The following GLDC variants were observed in gnomAD, a reference collection of about 807,000 sequenced individuals.
The protein encoded by GLDC is glycine dehydrogenase (decarboxylating), mitochondrial.
In GLDC, 104 loss-of-function variants were observed where a neutral mutation model predicts 121.3. The observed-to-expected ratio is 0.86, with a 90% CI of 0.73 to 1.01. The LOEUF is 1.01. GLDC is among the 50% of genes least tolerant of loss of function. GLDC has a pLI of 0.00. For synonymous variants in GLDC, 546 were observed against 480.6 expected (o/e 1.14, Z -1.78); for missense variants, 1,429 against 1,306.6 (o/e 1.09, Z -1.44).
At chr9:6,586,361 T>C (rs951890064) in intron 15 of GLDC, among the ~76,000 whole-genome samples, 3 of 152,168 alleles carry the variant, frequency 2.0e-5, no homozygotes, top group African/African-American at 2.4e-5. Flanking sequence ...GAGGTTATGA[T>C]CAGTGCGTCT....
intron 7 of GLDC, among the ~76,000 whole-genome samples, chr9:6,603,162 A>C (rs1308494515): frequency 1.3e-5 from 2 of 151,834 alleles, no homozygotes; most frequent in Non-Finnish European, 2.9e-5. Context: ...TGGGAGGCAG[A>C]GGTTGCAGTG....
In GLDC at chr9:6,615,581, T is replaced by TA. The variant is rs35065126; in HGVS notation, c.470+4602dup. On this transcript the variant is annotated intron_variant, in intron 3 of 24. Coordinates refer to ENST00000321612, the MANE Select transcript of GLDC (RefSeq NM_000170.3). Reference sequence around the variant, plus strand: ...CAGGTGACAGACGGAGACCTTGTCTTAAAAAAAAAAAAAAAGACCTAGTAT... The same window carrying TA: ...CAGGTGACAGACGGAGACCTTGTCTTAAAAAAAAAAAAAAAAGACCTAGTAT... Among the ~76,000 whole-genome samples, 652 of 143,218 alleles carry TA rather than the reference T, an allele frequency of 4.6e-3. 8 individuals are homozygous for TA. The highest frequency in any genetic ancestry group is 0.014 in the African/African-American group (533 of 39,140). 94.0% of individuals were successfully genotyped at this position (143,218 alleles called of 152,430 possible).
intron 15 of GLDC, among the ~76,000 whole-genome samples, chr9:6,574,416 G>A (rs1818023194): frequency 6.6e-6 from 1 of 150,698 alleles, no homozygotes; most frequent in Non-Finnish European, 1.5e-5. Context: ...GCAGTGAGCT[G>A]AGATTATGCC....
chr9:6,635,539 C>A (rs1050634291), intron 2 of GLDC, among the ~76,000 whole-genome samples: 1 of 152,284 alleles, frequency 6.6e-6, no homozygotes, highest in East Asian at 1.9e-4. Context: ...CCGCTGCACT[C>A]TAGTCTGGGT....
chr9:6,620,326 G>C lies in GLDC; in HGVS notation c.335-7C>G, dbSNP rs746303540. The C allele has an allele frequency of 6.2e-7, 1 of 1,611,856 alleles. No individual in the cohort carries two copies. The highest frequency in any genetic ancestry group is 8.5e-7 in the Non-Finnish European group (1 of 1,177,956). On this transcript the variant is annotated splice_region_variant and splice_polypyrimidine_tract_variant and intron_variant, in intron 2 of 24. Coordinates refer to ENST00000321612, the MANE Select transcript of GLDC (RefSeq NM_000170.3). ...GCAAGGATTTCATTTTCACCTAATT[G>C]TGGGAAAAAGAGAAATGTTACAGAC...
chr9:6,645,120 C>T (rs1819714596), intron 1 of GLDC, 125 bp downstream of exon 1: 1 of 987,920 alleles, frequency 1.0e-6, no homozygotes, highest in Non-Finnish European at 1.5e-6. Context: ...CGCCACGGCC[C>T]GGGACCCAGG....
At chr9:6,539,295 T>C (rs150894320) in intron 22 of GLDC, among the ~76,000 whole-genome samples, 34 of 152,174 alleles carry the variant, frequency 2.2e-4, no homozygotes, top group Middle Eastern at 3.4e-3. Flanking sequence ...CTGGCCAACA[T>C]GGTGAAACCC....
At chr9:6,598,591 A>T (rs566283410) in intron 8 of GLDC, among the ~76,000 whole-genome samples, 7 of 152,278 alleles carry the variant, frequency 4.6e-5, no homozygotes, top group Non-Finnish European at 7.3e-5. Flanking sequence ...AAAAGGAACA[A>T]CTCAAAAGAC....
Position 6,560,215 on chromosome 9 carries a change from C to G in GLDC, c.1927-1531G>C, listed in dbSNP as rs530965912. Among the ~76,000 whole-genome samples the G allele has an allele frequency of 2.0e-3, 309 of 152,270 alleles. 1 individual carries two copies. The highest frequency in any genetic ancestry group is 3.6e-3 in the Non-Finnish European group (244 of 68,028). ...AGCCATGATTACCCTGAAAATCATC[C>G]TCCTATTTTTTATCCCACAGAGAGA... On this transcript the variant is annotated intron_variant, in intron 16 of 24. Coordinates refer to ENST00000321612, the MANE Select transcript of GLDC (RefSeq NM_000170.3).
chr9:6,621,416 A>C (rs925276646), intron 2 of GLDC, among the ~76,000 whole-genome samples: 1 of 152,204 alleles, frequency 6.6e-6, no homozygotes, highest in African/African-American at 2.4e-5. Context: ...CACTTGGCTG[A>C]GGTCACACGA....
rs531081758 is a variant in GLDC at position 6,644,029 on chromosome 9, C to CAAAAAAA, written c.334+578_334+584dup. ...AGCCTGGGCGACAGAGATTCTGTCT[C>CAAAAAAA]AAAAAAAAAAAAAAAAAAAAACGAA... On this transcript the variant is annotated intron_variant, in intron 2 of 24. Coordinates refer to ENST00000321612, the MANE Select transcript of GLDC (RefSeq NM_000170.3). Among the ~76,000 whole-genome samples the CAAAAAAA allele has an allele frequency of 8.6e-3, 157 of 18,238 alleles. 4 individuals are homozygous for CAAAAAAA. The highest frequency in any genetic ancestry group is 0.018 in the African/African-American group (83 of 4,640). 12.0% of individuals were successfully genotyped at this position (18,238 alleles called of 152,430 possible). A position where few individuals can be genotyped will look rare whatever the true frequency, so the allele number is the denominator to read the frequency against.
chr9:6,593,286 T>TATAA (rs1333210071), intron 9 of GLDC, among the ~76,000 whole-genome samples: 1 of 150,606 alleles, frequency 6.6e-6, no homozygotes, highest in Admixed American at 6.6e-5. Flanking sequence ...TATATATATA[T>TATAA]AAAATTATAC....
intron 7 of GLDC, among the ~76,000 whole-genome samples, chr9:6,602,843 G>C (rs148876639): frequency 1.3e-5 from 2 of 152,176 alleles, no homozygotes; most frequent in African/African-American, 4.8e-5. Flanking sequence ...GAAAAGACTT[G>C]GCTCTCTGTG....
chr9:6,566,363 A>C (rs1370502387), intron 15 of GLDC: 1 of 152,152 alleles, frequency 6.6e-6, no homozygotes, highest in Non-Finnish European at 1.5e-5. Flanking sequence ...ACATCTTAAC[A>C]AGGTTTAAGG....
chr9:6,622,152 A>G (rs1819110726), intron 2 of GLDC, among the ~76,000 whole-genome samples: 1 of 107,968 alleles, frequency 9.3e-6, no homozygotes, highest in Admixed American at 9.9e-5. Flanking sequence ...TCCACCACAC[A>G]CACACAGACA....
Position 6,553,455 on chromosome 9 carries a change from C to T in GLDC, c.2370G>A (p.Arg790=). The T allele has an allele frequency of 1.9e-6, 3 of 1,613,764 alleles. No individual in the cohort carries two copies. Among genetic ancestry groups the T allele is most frequent in the Non-Finnish European group, 2.5e-6 (3 of 1,179,718 alleles). Residue 790 remains arginine, a synonymous_variant, in exon 20 of 25, where the codon CGG becomes CGA. Transcript: ENST00000321612. ...LPNHPVISLK[R]NEDACPVGTV... ...TTCCCACAGGACAGGCATCCTCATT[C>T]CGCTTTAGTGAAATGACGGGATGAT... is the stretch of plus-strand genomic sequence containing the variant.
chr9:6,612,330 C>A (rs895283883), intron 3 of GLDC, among the ~76,000 whole-genome samples: 9 of 151,830 alleles, frequency 5.9e-5, no homozygotes, highest in African/African-American at 1.9e-4. Flanking sequence ...TTCAAAGTCT[C>A]GATATTGTAC....
intron 24 of GLDC, among the ~76,000 whole-genome samples, chr9:6,534,470 G>C (rs1256693857): frequency 6.6e-6 from 1 of 151,534 alleles, no homozygotes; most frequent in African/African-American, 2.4e-5. Flanking sequence ...CACTGGGCAG[G>C]ACTCGTATTC....
chr9:6,619,292 C>G (rs946876552), intron 3 of GLDC, among the ~76,000 whole-genome samples: 1 of 151,596 alleles, frequency 6.6e-6, no homozygotes, highest in African/African-American at 2.4e-5. Flanking sequence ...ACAGAATGCA[C>G]ATGTTCTCTT....
Sources: allele counts gnomAD v4.1 joint callset (sites outside exome capture counted in the v4.1 genomes callset), GRCh38; gene constraint gnomAD v4.1.1; transcripts MANE v1.5; gene names NCBI Gene and HGNC (gene_info 2026-07-23, HGNC 2026-07-21).